Variants in CFAP46 observed in about 807,000 individuals in gnomAD.
CFAP46 encodes the protein cilia and flagella associated protein 46.
CFAP46 carries 245 observed loss-of-function variants against 325.7 expected under a neutral mutation model. The ratio of observed to expected loss-of-function variants is 0.75; its 90% CI spans 0.68 to 0.84. The LOEUF (loss-of-function observed/expected upper bound fraction) is 0.84. Among genes scored for constraint, CFAP46 ranks in the 40% least tolerant of loss-of-function variants. The pLI is 0.00. For synonymous variants in CFAP46, 1,523 were observed against 1,495.9 expected (o/e 1.02, Z -0.42); for missense variants, 3,346 against 3,543.0 (o/e 0.94, Z 1.41).
intron 31 of CFAP46, among the ~76,000 whole-genome samples, chr10:132,875,615 G>A (rs866074783): frequency 6.6e-6 from 1 of 152,326 alleles, no homozygotes; most frequent in Middle Eastern, 3.4e-3. Flanking sequence ...CAGCCAGCAG[G>A]GAAGGCAGCC....
Position 132,834,671 on chromosome 10 carries a change from G to A in CFAP46, c.6849C>T (p.Leu2283=), listed in dbSNP as rs1425711202. The A allele has an allele frequency of 1.2e-6, 2 of 1,613,410 alleles. No individual in the cohort carries two copies. The highest frequency in any genetic ancestry group is 1.1e-5 in the South Asian group (1 of 91,010). ...CCCAGTACCTGGCCTTGGAGAGGCTGAGCAGGGGGAATAGCGGCTGCAGAA... is the reference window on the plus strand; with the variant it reads ...CCCAGTACCTGGCCTTGGAGAGGCTAAGCAGGGGGAATAGCGGCTGCAGAA... ...EELLQPLFPL[L]SLSKARVQTP... Residue 2283 remains leucine, a synonymous_variant, in exon 48 of 58, where the codon CTC becomes CTT. Coordinates refer to ENST00000368586, the MANE Select transcript of CFAP46 (RefSeq NM_001200049.3).
chr10:132,858,193 C>A (rs1440257523), intron 38 of CFAP46, among the ~76,000 whole-genome samples: 1 of 151,244 alleles, frequency 6.6e-6, no homozygotes, highest in Non-Finnish European at 1.5e-5. Flanking sequence ...CTGGGCCCGC[C>A]GTGTCGAGAC....
At chr10:132,941,554 G>T in intron 3 of CFAP46, 37 bp downstream of exon 3, 2 of 1,593,618 alleles carry the variant, frequency 1.3e-6, no homozygotes, top group South Asian at 2.3e-5. Context: ...GGTGAAAATT[G>T]AACTGTTGGG....
Position 132,929,406 on chromosome 10 carries a change from C to G in CFAP46, c.966+299G>C, listed in dbSNP as rs61863095. 3 of 680,762 alleles carry G rather than the reference C, an allele frequency of 4.4e-6. No homozygotes were observed. The South Asian group carries it at 4.7e-5, about 11-fold the overall frequency. 42.2% of individuals were successfully genotyped at this position (680,762 alleles called of 1,614,324 possible). A position where few individuals can be genotyped will look rare whatever the true frequency, so the allele number is the denominator to read the frequency against. Reference sequence around the variant, plus strand: ...AATAATGGGACTGGTGGAGGATGTTCTGGATCATCAGCATCATGAAATTTT... The same window carrying G: ...AATAATGGGACTGGTGGAGGATGTTGTGGATCATCAGCATCATGAAATTTT... On this transcript the variant is annotated intron_variant, in intron 9 of 57. Transcript: ENST00000368586.
rs949031643 is a variant in CFAP46, at chr10:132,861,119, G to T, written c.4891-137C>A. 83 of 878,362 alleles carry T rather than the reference G, an allele frequency of 9.4e-5. 1 individual carries two copies. In the Admixed American group the frequency reaches 1.9e-3, roughly 20 times the overall value. 54.4% of individuals were successfully genotyped at this position (878,362 alleles called of 1,614,324 possible). ...GACGCACCAGGTGAGGGGAAGACAG[G>T]GCTGCTCACTCTGGCAGTGGAAGGG... On this transcript the variant is annotated intron_variant, in intron 35 of 57. Coordinates refer to ENST00000368586, the MANE Select transcript of CFAP46 (RefSeq NM_001200049.3).
chr10:132,864,516 GC>G (rs1848779567), intron 35 of CFAP46, among the ~76,000 whole-genome samples: 5 of 113,670 alleles, frequency 4.4e-5, no homozygotes, highest in Admixed American at 4.3e-4. Flanking sequence ...ACACACACCT[GC>G]CCCCCTGCCT....
rs998022364 is a variant in CFAP46, at chr10:132,828,195, G to T, written c.7117+5163C>A. ...ATGTGTATGAGTTTCTGCGGGACGCGTGTCTCCTTATCTCTTTGGTAGATG... is the reference window on the plus strand; with the variant it reads ...ATGTGTATGAGTTTCTGCGGGACGCTTGTCTCCTTATCTCTTTGGTAGATG... On this transcript the variant is annotated intron_variant, in intron 50 of 57. Coordinates refer to ENST00000368586, the MANE Select transcript of CFAP46 (RefSeq NM_001200049.3). The surrounding 1 kb of genome is among the most constrained non-coding windows in gnomAD (Gnocchi z 4.9). 6.6e-6 allele frequency among the ~76,000 whole-genome samples: 1 copy of T among 152,210 alleles called. No homozygotes were observed. The highest frequency in any genetic ancestry group is 1.5e-5 in the Non-Finnish European group (1 of 68,042).
In CFAP46 at chr10:132,913,117, G is replaced by A. The variant is rs4880467; in HGVS notation, c.2262C>T (p.Ala754=). The A allele has an allele frequency of 6.1e-5, 95 of 1,550,332 alleles. No homozygotes were observed. In the Middle Eastern group the frequency reaches 6.7e-4, roughly 11 times the overall value. Residue 754 remains alanine (A), a synonymous_variant, in exon 18 of 58, where the codon GCC becomes GCT. Transcript: ENST00000368586. ...CGTCCACCAGCTCCTTCTGCCGCCC[G>A]GCCAGGATCAGGTGGTGGTTGTGGT... The part of the protein sequence containing the change: ...VLNHNHHLIL[A]GRQKELVDAL...
chr10:132,941,539 G>T, intron 3 of CFAP46, 52 bp downstream of exon 3: 1 of 1,583,168 alleles, frequency 6.3e-7, no homozygotes. Context: ...TTGCTCTGGA[G>T]ATGGGGTGAA....
intron 33 of CFAP46, among the ~76,000 whole-genome samples, chr10:132,868,245 G>A (rs1005110301): frequency 3.4e-4 from 51 of 152,030 alleles, no homozygotes; most frequent in African/African-American, 1.0e-3. Flanking sequence ...CCCACATCGC[G>A]TTGGCCTCTG....
chr10:132,837,013 G>C (rs567055738), intron 44 of CFAP46, 99 bp from the exon 45 acceptor site: 1 of 949,064 alleles, frequency 1.1e-6, no homozygotes, highest in African/African-American at 1.6e-5. Flanking sequence ...GCAGAGCCAC[G>C]GCGGGGGCTT....
In CFAP46 at chr10:132,889,846, C is replaced by T. The variant is rs1227870604; in HGVS notation, c.3304+2487G>A. 2.0e-5 allele frequency among the ~76,000 whole-genome samples: 3 copies of T among 152,176 alleles called. No homozygotes were observed. The highest frequency in any genetic ancestry group is 7.2e-5 in the African/African-American group (3 of 41,446). ...TCGTGTTTCCACAGCACAGCATGGC[C>T]GTCCCGCCTGATTAAAGTATTGATG... On this transcript the variant is annotated intron_variant, in intron 25 of 57. Coordinates refer to ENST00000368586, the MANE Select transcript of CFAP46 (RefSeq NM_001200049.3). This position sits in a 1 kb window ranked among gnomAD's most constrained non-coding sequence, Gnocchi z 6.0.
intron 3 of CFAP46, 137 bp from the exon 4 acceptor site, chr10:132,941,197 G>T: frequency 1.2e-6 from 1 of 850,522 alleles, no homozygotes; most frequent in Admixed American, 2.0e-5. Context: ...GTGACGGTGT[G>T]GCAGACACAG....
At chr10:132,912,157 C>G in intron 19 of CFAP46, among the ~76,000 whole-genome samples, 1 of 137,192 alleles carries the variant, frequency 7.3e-6, no homozygotes, top group South Asian at 2.8e-4. Flanking sequence ...TCTCTCTCCT[C>G]TCTCTCTTCT....
In CFAP46 at chr10:132,851,180, C is replaced by T. The variant is rs746090756; in HGVS notation, c.5700G>A (p.Gly1900=). The T allele has an allele frequency of 8.2e-5, 132 of 1,613,982 alleles. 2 individuals carry two copies. The Admixed American group carries it at 2.0e-3, about 24-fold the overall frequency. The part of the protein sequence containing the change: ...EEAHGQQSEQ[G]SLEKLLADYL... ...AGTCCGCCAGCAGCTTCTCCAGGGACCCCTGCTCACTCTGCTGCCCGTGGG... is the reference window on the plus strand; with the variant it reads ...AGTCCGCCAGCAGCTTCTCCAGGGATCCCTGCTCACTCTGCTGCCCGTGGG... Residue 1900 remains glycine, a synonymous_variant, in exon 40 of 58, where the codon GGG becomes GGA. Coordinates refer to ENST00000368586, the MANE Select transcript of CFAP46 (RefSeq NM_001200049.3).
At chr10:132,922,290 T>C in intron 12 of CFAP46, 66 bp from the exon 13 acceptor site, 1 of 1,512,746 alleles carries the variant, frequency 6.6e-7, no homozygotes. Context: ...CTCCAACTTC[T>C]GGAGCCTCCT....
chr10:132,920,570 C>T (rs1439800564), intron 13 of CFAP46, among the ~76,000 whole-genome samples: 4 of 152,254 alleles, frequency 2.6e-5, no homozygotes, highest in Admixed American at 1.3e-4. Context: ...CAGGTTTATC[C>T]GCATGACGCC....
In CFAP46 at chr10:132,846,153, C is replaced by T. The variant is rs747081530; in HGVS notation, c.6342G>A (p.Ala2114=). The change falls in exon 44 of 58, where the codon GCG becomes GCA. Residue 2114 remains alanine, a synonymous_variant. Transcript: ENST00000368586. ...GCTGGTGCTGTAGCTGCAGCAGGGC[C>T]GCCAGCTGTGAGCTGCTGGTGTTGG... is the stretch of plus-strand genomic sequence containing the variant. ...ATANTSSSQL[A]ALLQLQHQLR... 14 of 1,611,486 alleles carry T rather than the reference C, an allele frequency of 8.7e-6. 1 individual carries two copies. The highest frequency in any genetic ancestry group is 4.4e-5 in the South Asian group (4 of 90,778).
rs1229861638 is a variant in CFAP46, at chr10:132,832,431, T to TA, written c.7117+926dup. On this transcript the variant is annotated intron_variant, in intron 50 of 57. Coordinates refer to ENST00000368586, the MANE Select transcript of CFAP46 (RefSeq NM_001200049.3). The surrounding 1 kb of genome is among the most constrained non-coding windows in gnomAD (Gnocchi z 4.1). ...TGTGGCCTGGAAATTCCCCAGAGAG[T>TA]AAGACCTGGGTGGGCCATGGCGCTC... Among the ~76,000 whole-genome samples, 1 of 126,066 alleles carries TA rather than the reference T, an allele frequency of 7.9e-6. No homozygotes were observed. Among genetic ancestry groups the TA allele is most frequent in the Non-Finnish European group, 1.6e-5 (1 of 62,982 alleles). The allele number at this position is 126,066 out of a possible 152,430, so 82.7% of individuals were successfully genotyped here. A position where few individuals can be genotyped will look rare whatever the true frequency, so the allele number is the denominator to read the frequency against.
Sources: gnomAD v4.1 joint callset for allele counts (sites outside exome capture counted in the v4.1 genomes callset) on GRCh38, gnomAD v4.1.1 for gene constraint, Gnocchi (gnomAD v3.1) non-coding constraint, MANE v1.5 for transcripts, NCBI Gene and HGNC (gene_info 2026-07-23, HGNC 2026-07-21) for gene names.